Variants in PPP3R1 observed in about 807,000 individuals in gnomAD.
The protein encoded by PPP3R1 is calcineurin subunit B type 1.
In PPP3R1, 5 loss-of-function variants were observed where a neutral mutation model predicts 22.6. The ratio of observed to expected loss-of-function variants is 0.22; its 90% CI spans 0.12 to 0.46. The LOEUF (loss-of-function observed/expected upper bound fraction) is 0.46. PPP3R1 is among the 20% of genes least tolerant of loss of function. PPP3R1 has a pLI of 0.99. For missense variants in PPP3R1, 61 were observed against 203.2 expected (o/e 0.30, Z 4.25); for synonymous variants, 56 against 65.2 (o/e 0.86, Z 0.68).
chr2:68,201,416 T>A (rs1015969608), intron 2 of PPP3R1, among the ~76,000 whole-genome samples: 1 of 152,226 alleles, frequency 6.6e-6, no homozygotes, highest in Non-Finnish European at 1.5e-5. Context: ...TTTCTTTTTT[T>A]TCTCTCGTTG....
chr2:68,231,987 C>T (rs1192348193), intron 1 of PPP3R1, among the ~76,000 whole-genome samples: 1 of 150,952 alleles, frequency 6.6e-6, no homozygotes, highest in Non-Finnish European at 1.5e-5. Flanking sequence ...AGGCTGGGCG[C>T]CGTGGCTCAT....
At chr2:68,224,296 A>C (rs1289360926) in intron 1 of PPP3R1, among the ~76,000 whole-genome samples, 2 of 152,222 alleles carry the variant, frequency 1.3e-5, no homozygotes. Context: ...ATGGAGATGC[A>C]AAGAACCTAA....
chr2:68,197,567 C>T (rs1046556535), intron 2 of PPP3R1, among the ~76,000 whole-genome samples: 12 of 152,094 alleles, frequency 7.9e-5, no homozygotes, highest in Admixed American at 2.0e-4. Context: ...TACCATTTTA[C>T]TCTCCCATCA....
At chr2:68,213,347 T>C (rs963165181) in intron 2 of PPP3R1, among the ~76,000 whole-genome samples, 3 of 152,150 alleles carry the variant, frequency 2.0e-5, no homozygotes, top group Admixed American at 1.3e-4. Context: ...AGTGTAGGGT[T>C]ATTAACTAGC....
chr2:68,251,661 T>TTA (rs1670358582), intron 1 of PPP3R1, among the ~76,000 whole-genome samples: 1 of 152,106 alleles, frequency 6.6e-6, no homozygotes, highest in Non-Finnish European at 1.5e-5. Context: ...TAAGTGGGTC[T>TTA]TATGTAAAGT....
chr2:68,212,530 G>A (rs770668596), intron 2 of PPP3R1, among the ~76,000 whole-genome samples: 10 of 152,214 alleles, frequency 6.6e-5, no homozygotes, highest in South Asian at 2.1e-4. Context: ...AATGGATGTC[G>A]TGTTAGCAGG....
chr2:68,232,223 AT>A (rs1397973259), intron 1 of PPP3R1, among the ~76,000 whole-genome samples: 57 of 45,748 alleles, frequency 1.2e-3, no homozygotes, highest in African/African-American at 2.7e-3. Flanking sequence ...ATATGTATAT[AT>A]GTGTGTGTGT....
At chr2:68,242,311 C>T (rs1670152096) in intron 1 of PPP3R1, among the ~76,000 whole-genome samples, 1 of 151,894 alleles carries the variant, frequency 6.6e-6, no homozygotes, top group African/African-American at 2.4e-5. Context: ...CCCGCAATCA[C>T]AGCTACTCGA....
At chr2:68,194,118 A>G (rs1558629377) in intron 2 of PPP3R1, among the ~76,000 whole-genome samples, 1 of 152,276 alleles carries the variant, frequency 6.6e-6, no homozygotes, top group East Asian at 1.9e-4. Context: ...AATTGACATT[A>G]TATTAGACAA....
chr2:68,184,384 A>G (rs916944989), intron 5 of PPP3R1, among the ~76,000 whole-genome samples: 1 of 152,202 alleles, frequency 6.6e-6, no homozygotes, highest in Non-Finnish European at 1.5e-5. Flanking sequence ...TAAACGTTCT[A>G]AATTACCAAA....
intron 5 of PPP3R1, among the ~76,000 whole-genome samples, chr2:68,183,988 C>T (rs963293991): frequency 1.3e-5 from 2 of 152,168 alleles, no homozygotes; most frequent in Non-Finnish European, 2.9e-5. Flanking sequence ...GCTAGGGAGT[C>T]AGGAAGTCAG....
chr2:68,217,199 A>G lies in PPP3R1; in HGVS notation c.4-68T>C, dbSNP rs748880152. On this transcript the variant is annotated intron_variant, in intron 1 of 5. Coordinates refer to ENST00000234310, the MANE Select transcript of PPP3R1 (RefSeq NM_000945.4). Reference sequence around the variant, plus strand: ...AATTTGTTTAAAATATTAAACCTAAATATTTTAAGTCAAAAAACATAGGGA... The same window carrying G: ...AATTTGTTTAAAATATTAAACCTAAGTATTTTAAGTCAAAAAACATAGGGA... The G allele has an allele frequency of 5.3e-6, 6 of 1,140,300 alleles. No individual in the cohort carries two copies. The East Asian group carries it at 1.3e-4, about 24-fold the overall frequency. The allele number at this position is 1,140,300 out of a possible 1,614,324, so 70.6% of individuals were successfully genotyped here.
chr2:68,193,118 T>C lies in PPP3R1; in HGVS notation c.44-4428A>G, dbSNP rs538249582. ...ATCTTGTGAAACATTATAAAGTAGT[T>C]GATATCTGCTCTGGATGAGTAGTCA... is the stretch of plus-strand genomic sequence containing the variant. On this transcript the variant is annotated intron_variant, in intron 2 of 5. Transcript: ENST00000234310. Among the ~76,000 whole-genome samples the C allele has an allele frequency of 3.3e-5, 5 of 152,320 alleles. No individual in the cohort carries two copies. The South Asian group carries it at 1.0e-3, about 32-fold the overall frequency.
At chr2:68,199,245 A>G (rs968600134) in intron 2 of PPP3R1, among the ~76,000 whole-genome samples, 2 of 152,204 alleles carry the variant, frequency 1.3e-5, no homozygotes, top group African/African-American at 4.8e-5. Flanking sequence ...TACAGGCGTG[A>G]GCCACCGCTC....
intron 2 of PPP3R1, among the ~76,000 whole-genome samples, chr2:68,201,364 T>C (rs888661450): frequency 1.3e-5 from 2 of 152,240 alleles, no homozygotes; most frequent in Non-Finnish European, 2.9e-5. Flanking sequence ...CTCCAAAGCT[T>C]AATGTGGTTT....
intron 1 of PPP3R1, among the ~76,000 whole-genome samples, chr2:68,240,054 T>TA (rs1164624883): frequency 3.3e-5 from 5 of 152,250 alleles, no homozygotes. Context: ...TAAGGTAGGC[T>TA]AGACTAAGAT....
At chr2:68,242,997 A>G (rs748719377) in intron 1 of PPP3R1, among the ~76,000 whole-genome samples, 1 of 152,208 alleles carries the variant, frequency 6.6e-6, no homozygotes, top group African/African-American at 2.4e-5. Context: ...TCAACGCACC[A>G]GTGATTTTAC....
rs1313349319 is a variant in PPP3R1 at position 68,179,661 on chromosome 2, C to A, written c.*1302G>T. ...TTGCAGAAATGGGAAGGGATAAGAT[C>A]AAACAGTAGAACATGATACACTACT... On this transcript the variant is annotated 3_prime_UTR_variant, in exon 6 of 6. Coordinates refer to ENST00000234310, the MANE Select transcript of PPP3R1 (RefSeq NM_000945.4). 3 of 152,034 alleles carry A rather than the reference C, an allele frequency of 2.0e-5. No homozygotes were observed. Among genetic ancestry groups the A allele is most frequent in the African/African-American group, 4.8e-5 (2 of 41,372 alleles). The allele number at this position is 152,034 out of a possible 1,614,324, so 9.4% of individuals were successfully genotyped here. A position where few individuals can be genotyped will look rare whatever the true frequency, so the allele number is the denominator to read the frequency against.
chr2:68,224,367 A>G (rs996870488), intron 1 of PPP3R1, among the ~76,000 whole-genome samples: 22 of 152,184 alleles, frequency 1.4e-4, no homozygotes, highest in Admixed American at 3.3e-4. Context: ...TCTGACTTAA[A>G]GAGTTATGAA....
Sources: gnomAD v4.1 joint callset for allele counts (sites outside exome capture counted in the v4.1 genomes callset) on GRCh38, gnomAD v4.1.1 for gene constraint, MANE v1.5 for transcripts, NCBI Gene and HGNC (gene_info 2026-07-23, HGNC 2026-07-21) for gene names.